SPAG16: variants seen among roughly 807,000 people sequenced by gnomAD.
SPAG16 encodes the protein sperm associated antigen 16, also known as sperm-associated antigen 16 protein.
SPAG16 carries 86 observed loss-of-function variants against 80.4 expected under a neutral mutation model. The ratio of observed to expected loss-of-function variants is 1.07; its 90% CI spans 0.90 to 1.28. The LOEUF is 1.28. Among genes scored for constraint, SPAG16 ranks in the 50% most tolerant of loss-of-function variants. The pLI, the probability that SPAG16 is intolerant of heterozygous loss-of-function variation, is 0.00. For missense variants in SPAG16, 870 were observed against 765.3 expected (o/e 1.14, Z -1.61); for synonymous variants, 294 against 265.9 (o/e 1.11, Z -1.03).
intron 10 of SPAG16, among the ~76,000 whole-genome samples, chr2:213,529,952 A>G (rs1246589491): frequency 6.6e-6 from 1 of 152,188 alleles, no homozygotes; most frequent in East Asian, 1.9e-4. Flanking sequence ...AGGCCTACTC[A>G]GGGTCAGGAT....
At chr2:213,630,258 C>T (rs1305295440) in intron 10 of SPAG16, among the ~76,000 whole-genome samples, 1 of 152,088 alleles carries the variant, frequency 6.6e-6, no homozygotes, top group Non-Finnish European at 1.5e-5. Flanking sequence ...GTGGCAGATG[C>T]CTGCAATCCG....
intron 13 of SPAG16, among the ~76,000 whole-genome samples, chr2:214,054,735 T>C (rs34584281): frequency 0.14 from 21,454 of 152,250 alleles, 1,614 homozygotes; most frequent in Non-Finnish European, 0.16. Context: ...TAGTTACATA[T>C]ATCATCTCAG....
chr2:213,406,981 C>T (rs968191550), intron 9 of SPAG16, among the ~76,000 whole-genome samples: 1 of 151,222 alleles, frequency 6.6e-6, no homozygotes, highest in Admixed American at 6.6e-5. Context: ...GGCCAGCAAC[C>T]TAGCTTAAAG....
chr2:213,759,113 A>G (rs1277753029), intron 10 of SPAG16, among the ~76,000 whole-genome samples: 3 of 152,200 alleles, frequency 2.0e-5, no homozygotes, highest in Non-Finnish European at 4.4e-5. Flanking sequence ...AGACATCCCC[A>G]GGAAAACAAC....
At chr2:213,963,297 A>G (rs6713303) in intron 12 of SPAG16, among the ~76,000 whole-genome samples, 62,836 of 151,690 alleles carry the variant, frequency 0.41, 13,060 homozygotes, top group South Asian at 0.51. Flanking sequence ...TTGATACATT[A>G]TTCAGGAGTA....
chr2:214,020,969 G>T (rs2047833670), intron 13 of SPAG16, among the ~76,000 whole-genome samples: 1 of 152,062 alleles, frequency 6.6e-6, no homozygotes, highest in Non-Finnish European at 1.5e-5. Context: ...CGAAAATGGT[G>T]CCTTTTTTGT....
At chr2:213,386,582 C>G (rs2067441673) in intron 9 of SPAG16, among the ~76,000 whole-genome samples, 1 of 152,152 alleles carries the variant, frequency 6.6e-6, no homozygotes, top group South Asian at 2.1e-4. Context: ...TATATCTTTA[C>G]TTCTCAAGCC....
intron 10 of SPAG16, among the ~76,000 whole-genome samples, chr2:213,514,006 A>G (rs542272386): frequency 2.0e-5 from 3 of 152,274 alleles, no homozygotes; most frequent in Non-Finnish European, 1.5e-5. Context: ...TAAGGAGAGG[A>G]AGGAGCGGTA....
intron 10 of SPAG16, among the ~76,000 whole-genome samples, chr2:213,648,077 T>G (rs1254189803): frequency 6.6e-6 from 1 of 152,228 alleles, no homozygotes; most frequent in Admixed American, 6.5e-5. Context: ...TTATAAGAAC[T>G]TTGTATTTAT....
In SPAG16 at chr2:213,944,155, G is replaced by A. The variant is rs532726991; in HGVS notation, c.1400+14010G>A. 1.5e-3 allele frequency among the ~76,000 whole-genome samples: 226 copies of A among 152,302 alleles called. 1 individual carries two copies. Among genetic ancestry groups the A allele is most frequent in the Middle Eastern group, 3.4e-3 (1 of 294 alleles). The stretch of plus-strand genomic sequence containing the variant: ...CAATATGTGAACCCACCAATGGGTG[G>A]GGTAATATTCTTGGTTCCAATAGGC... On this transcript the variant is annotated intron_variant, in intron 12 of 15. Transcript: ENST00000331683.
intron 10 of SPAG16, among the ~76,000 whole-genome samples, chr2:213,604,369 CA>C (rs2061180350): frequency 6.6e-6 from 1 of 152,036 alleles, no homozygotes; most frequent in Non-Finnish European, 1.5e-5. Context: ...GATTTCTCTT[CA>C]TTGTACTCAA....
Position 213,465,101 on chromosome 2 carries a change from C to T in SPAG16, c.943-24862C>T, listed in dbSNP as rs529452859. Among the ~76,000 whole-genome samples the T allele has an allele frequency of 7.2e-5, 11 of 152,230 alleles. No homozygotes were observed. In the East Asian group the frequency reaches 9.6e-4, roughly 13 times the overall value. ...GCCTTTACAATGTATTATGCCACTT[C>T]CCGTGGAAGGAAAACCAAGGATAAT... On this transcript the variant is annotated intron_variant, in intron 9 of 15. Coordinates refer to ENST00000331683, the MANE Select transcript of SPAG16 (RefSeq NM_024532.5).
intron 11 of SPAG16, among the ~76,000 whole-genome samples, chr2:213,915,324 C>G (rs1331615709): frequency 6.6e-6 from 1 of 152,008 alleles, no homozygotes; most frequent in Non-Finnish European, 1.5e-5. Flanking sequence ...CTTCCCCTCC[C>G]TGCGTCCATG....
chr2:213,389,920 A>C (rs1049521727), intron 9 of SPAG16, among the ~76,000 whole-genome samples: 76 of 152,306 alleles, frequency 5.0e-4, no homozygotes, highest in African/African-American at 1.7e-3. Context: ...CATGTTAAAA[A>C]GATATTTTAC....
intron 12 of SPAG16, among the ~76,000 whole-genome samples, chr2:213,997,106 G>A (rs538042984): frequency 3.5e-4 from 54 of 152,260 alleles, no homozygotes; most frequent in African/African-American, 1.2e-3. Context: ...GACTACATAT[G>A]CTGACTTAGG....
chr2:213,524,141 C>T (rs1329474805), intron 10 of SPAG16, among the ~76,000 whole-genome samples: 2 of 152,192 alleles, frequency 1.3e-5, no homozygotes, highest in Non-Finnish European at 1.5e-5. Context: ...TGTGTCCCAG[C>T]TGCTCTAGCC....
intron 15 of SPAG16, among the ~76,000 whole-genome samples, chr2:214,322,307 AAAC>A (rs1410080525): frequency 1.3e-5 from 2 of 152,160 alleles, no homozygotes; most frequent in Non-Finnish European, 2.9e-5. Context: ...TACATTTTTA[AAAC>A]CACCCCAGGT....
chr2:214,146,092 C>G (rs916820436), intron 14 of SPAG16, among the ~76,000 whole-genome samples: 2 of 152,174 alleles, frequency 1.3e-5, no homozygotes, highest in Non-Finnish European at 2.9e-5. Context: ...GTCATGAAAT[C>G]TCACCTATCT....
chr2:214,172,275 G>A (rs1335081408), intron 15 of SPAG16, among the ~76,000 whole-genome samples: 1 of 151,832 alleles, frequency 6.6e-6, no homozygotes, highest in Admixed American at 6.6e-5. Flanking sequence ...TCCCCAGAGT[G>A]TGATGTTCCC....
Sources: allele counts gnomAD v4.1 joint callset (sites outside exome capture counted in the v4.1 genomes callset), GRCh38; gene constraint gnomAD v4.1.1; transcripts MANE v1.5; gene names NCBI Gene and HGNC (gene_info 2026-07-23, HGNC 2026-07-21).